Variants in CACNA2D1 observed in about 807,000 individuals in gnomAD.
CACNA2D1 encodes the protein calcium voltage-gated channel auxiliary subunit alpha2delta 1, also known as voltage-dependent calcium channel subunit alpha-2/delta-1.
In CACNA2D1, 53 loss-of-function variants were observed where a neutral mutation model predicts 171.5. That is an observed-to-expected ratio of 0.31 (90% CI 0.25 to 0.39). The LOEUF (loss-of-function observed/expected upper bound fraction) is 0.39. Ranked by LOEUF, CACNA2D1 falls within the 10% of genes least tolerant of loss-of-function variation. The pLI, the probability that CACNA2D1 is intolerant of heterozygous loss-of-function variation, is 1.00. For synonymous variants in CACNA2D1, 442 were observed against 443.1 expected, an observed-to-expected ratio of 1.00 and a Z score of 0.03; for missense variants, 903 against 1,299.8, an observed-to-expected ratio of 0.69 and a Z score of 4.69.
Position 82,359,260 on chromosome 7 carries a change from C to A in CACNA2D1, c.96-9611G>T, listed in dbSNP as rs568105523. Among the ~76,000 whole-genome samples, 3 of 152,224 alleles carry A rather than the reference C, an allele frequency of 2.0e-5. No homozygotes were observed. In the East Asian group the frequency reaches 5.8e-4, roughly 29 times the overall value. On this transcript the variant is annotated intron_variant, in intron 1 of 38. Transcript: ENST00000356860. ...TATCTGTGATTTTTCTCAGTCATTGCAAATTGTTCGCAAAATTTACTTCAG... is the reference window on the plus strand; with the variant it reads ...TATCTGTGATTTTTCTCAGTCATTGAAAATTGTTCGCAAAATTTACTTCAG...
intron 5 of CACNA2D1, among the ~76,000 whole-genome samples, chr7:82,135,881 G>A (rs1445733556): frequency 2.0e-5 from 3 of 152,254 alleles, no homozygotes; most frequent in African/African-American, 4.8e-5. Context: ...AATATAGGAT[G>A]AGCTTAACAA....
intron 3 of CACNA2D1, among the ~76,000 whole-genome samples, chr7:82,236,557 G>T (rs1803612845): frequency 6.6e-6 from 1 of 152,024 alleles, no homozygotes; most frequent in Admixed American, 6.6e-5. Flanking sequence ...AATTAAATGT[G>T]ACATTCATAA....
chr7:81,978,158 C>G (rs1796049430), intron 24 of CACNA2D1, among the ~76,000 whole-genome samples: 1 of 152,140 alleles, frequency 6.6e-6, no homozygotes, highest in Non-Finnish European at 1.5e-5. Flanking sequence ...ATTGGTTCAA[C>G]CATTGTGGAA....
rs185234022 is a variant in CACNA2D1, at chr7:82,376,549, T to A, written c.96-26900A>T. On this transcript the variant is annotated intron_variant, in intron 1 of 38. Coordinates refer to ENST00000356860, the MANE Select transcript of CACNA2D1 (RefSeq NM_000722.4). The stretch of plus-strand genomic sequence containing the variant: ...CTTATTAATTCAGTAGGGTCAGCAA[T>A]GATTAAACTCTTCTCATCTGAAAGG... Among the ~76,000 whole-genome samples the A allele has an allele frequency of 1.3e-3, 201 of 152,356 alleles. 1 individual carries two copies. The highest frequency in any genetic ancestry group is 4.4e-3 in the African/African-American group (183 of 41,584).
intron 3 of CACNA2D1, among the ~76,000 whole-genome samples, chr7:82,172,224 C>A (rs1796090809): frequency 6.6e-6 from 1 of 151,910 alleles, no homozygotes; most frequent in African/African-American, 2.4e-5. Context: ...GGCTCCCTCT[C>A]CCTACAAAAA....
intron 15 of CACNA2D1, among the ~76,000 whole-genome samples, chr7:82,010,832 T>A (rs1217100768): frequency 3.3e-5 from 5 of 152,298 alleles, no homozygotes; most frequent in African/African-American, 1.2e-4. Flanking sequence ...GGGTTCATCA[T>A]TACATTTGGA....
intron 10 of CACNA2D1, among the ~76,000 whole-genome samples, chr7:82,041,393 C>T (rs538911507): frequency 3.9e-5 from 6 of 152,086 alleles, no homozygotes; most frequent in South Asian, 2.1e-4. Context: ...GGAAGCTGAC[C>T]GAGCCAGGTG....
chr7:82,184,169 C>CTTTTTTTTTTTTTTT (rs72155870), intron 3 of CACNA2D1, among the ~76,000 whole-genome samples: 1 of 127,420 alleles, frequency 7.8e-6, no homozygotes, highest in Non-Finnish European at 1.6e-5. Flanking sequence ...TCGGTTTCCT[C>CTTTTTTTTTTTTTTT]TTTTTTTTTT....
chr7:82,258,817 C>CTTTTTTTTTTTTTTTTTTTTTTTT lies in CACNA2D1; in HGVS notation c.294+76317_294+76318insAAAAAAAAAAAAAAAAAAAAAAAA, dbSNP rs201927487. ...ATTTCTTTCTTTCTTTCTTACTTTT[C>CTTTTTTTTTTTTTTTTTTTTTTTT]TTTTTTTTTTTTTTTTTTTTTTGAG... On this transcript the variant is annotated intron_variant, in intron 3 of 38. Coordinates refer to ENST00000356860, the MANE Select transcript of CACNA2D1 (RefSeq NM_000722.4). 4.7e-4 allele frequency among the ~76,000 whole-genome samples: 34 copies of CTTTTTTTTTTTTTTTTTTTTTTTT among 72,626 alleles called. 5 individuals carry two copies. The highest frequency in any genetic ancestry group is 6.8e-4 in the Non-Finnish European group (26 of 38,358). The allele number at this position is 72,626 out of a possible 152,430, so 47.6% of individuals were successfully genotyped here.
At chr7:82,245,092 C>A (rs1339719873) in intron 3 of CACNA2D1, among the ~76,000 whole-genome samples, 1 of 152,194 alleles carries the variant, frequency 6.6e-6, no homozygotes, top group Non-Finnish European at 1.5e-5. Context: ...GATGTAGCAA[C>A]AGCTCAGAGC....
At chr7:81,971,094 A>C in intron 26 of CACNA2D1, 1 of 251,146 alleles carries the variant, frequency 4.0e-6, no homozygotes, top group Non-Finnish European at 7.8e-6. Flanking sequence ...AAAGGAGAGA[A>C]ACAGTAAGAA....
At chr7:82,220,594 C>T (rs1171069884) in intron 3 of CACNA2D1, among the ~76,000 whole-genome samples, 3 of 151,910 alleles carry the variant, frequency 2.0e-5, no homozygotes, top group Non-Finnish European at 4.4e-5. Flanking sequence ...ATAAAAATAA[C>T]CCCCTCATAT....
intron 1 of CACNA2D1, among the ~76,000 whole-genome samples, chr7:82,350,856 T>C (rs184480675): frequency 2.1e-3 from 318 of 152,346 alleles, no homozygotes; most frequent in African/African-American, 7.3e-3. Flanking sequence ...ATCGAAGGAT[T>C]GATCTTTTTC....
chr7:82,174,190 G>T (rs887623677), intron 3 of CACNA2D1, among the ~76,000 whole-genome samples: 1 of 139,152 alleles, frequency 7.2e-6, no homozygotes, highest in Non-Finnish European at 1.5e-5. Context: ...ATAAAAAACA[G>T]AACACTTTTC....
intron 3 of CACNA2D1, among the ~76,000 whole-genome samples, chr7:82,307,116 C>T (rs1813831991): frequency 6.6e-6 from 1 of 152,038 alleles, no homozygotes; most frequent in South Asian, 2.1e-4. Flanking sequence ...ATGTAAATTC[C>T]TTAACTTAGG....
chr7:82,044,229 G>A lies in CACNA2D1; in HGVS notation c.880-5994C>T, dbSNP rs540078021. ...CGCATCCCTTCCCCTCAGAAAGACC[G>A]TTCTCCTATGTATGGATTCTAAATG... On this transcript the variant is annotated intron_variant, in intron 10 of 38. Transcript: ENST00000356860. 1.2e-3 allele frequency among the ~76,000 whole-genome samples: 176 copies of A among 152,186 alleles called. 3 individuals carry two copies. The South Asian group carries it at 0.019, about 17-fold the overall frequency.
At chr7:82,214,260 C>G (rs546675285) in intron 3 of CACNA2D1, among the ~76,000 whole-genome samples, 1 of 152,246 alleles carries the variant, frequency 6.6e-6, no homozygotes, top group Admixed American at 6.5e-5. Context: ...ACTTACCTAC[C>G]TCTTCCGAGA....
At chr7:82,219,362 A>T (rs1047992995) in intron 3 of CACNA2D1, among the ~76,000 whole-genome samples, 6 of 152,008 alleles carry the variant, frequency 3.9e-5, no homozygotes, top group African/African-American at 9.6e-5. Context: ...GTTCTACATA[A>T]TTTTTTTTCA....
chr7:82,152,285 T>G (rs1793947236), intron 4 of CACNA2D1, among the ~76,000 whole-genome samples: 1 of 99,010 alleles, frequency 1.0e-5, no homozygotes, highest in African/African-American at 4.0e-5. Context: ...AAAAATAAAT[T>G]AGATCTTAAT....
Sources: allele counts gnomAD v4.1 joint callset (sites outside exome capture counted in the v4.1 genomes callset), GRCh38; gene constraint gnomAD v4.1.1; transcripts MANE v1.5; gene names NCBI Gene and HGNC (gene_info 2026-07-23, HGNC 2026-07-21).